Variants in CENPE observed in about 807,000 individuals in gnomAD.
CENPE encodes the protein centromere protein E, also known as centromere-associated protein E.
CENPE carries 145 observed loss-of-function variants against 336.1 expected under a neutral mutation model. That is an observed-to-expected ratio of 0.43 (90% CI 0.38 to 0.50). The LOEUF is 0.50. Among genes scored for constraint, CENPE ranks in the 20% least tolerant of loss-of-function variants. The probability of loss-of-function intolerance (pLI) is 0.00; values close to 1 mark genes in which losing one functional copy is unlikely to be tolerated. For missense variants in CENPE, 2,719 were observed against 3,023.3 expected (o/e 0.90, Z 2.36); for synonymous variants, 1,013 against 984.8 (o/e 1.03, Z -0.54).
Position 103,108,883 on chromosome 4 carries a change from A to G in CENPE, c.7931T>C (p.Phe2644Ser). The change falls in exon 48 of 49, where the codon TTT (phenylalanine) becomes TCT (serine). Residue 2644 changes from phenylalanine (F) to serine (S), a missense_variant. Physicochemically the swap from Phe to Ser is radical, Grantham distance 155 (BLOSUM62 -2). Around this residue, in one of 5 missense-constraint regions of CENPE, gnomAD observed 2,437 missense variants for 2,513.3 expected, o/e 0.97. Transcript: ENST00000265148. Reference protein sequence around the residue: ...PVPKESPKSCFFDSRSKSLPS... With the variant: ...PVPKESPKSCSFDSRSKSLPS... ...TAAAGACTTTGATCGGCTATCAAAAAAACAAGATTTTGGTGATTCCTTTGG... is the reference window on the plus strand; with the variant it reads ...TAAAGACTTTGATCGGCTATCAAAAGAACAAGATTTTGGTGATTCCTTTGG... The G allele has an allele frequency of 6.2e-7, 1 of 1,613,960 alleles. No homozygotes were observed. The highest frequency in any genetic ancestry group is 8.5e-7 in the Non-Finnish European group (1 of 1,179,860).
At position 103,190,642 on chromosome 4, in the gene CENPE, T is replaced by A. The variant is rs184518359; in HGVS notation, c.693+3587A>T. On this transcript the variant is annotated intron_variant, in intron 8 of 48. Transcript: ENST00000265148. ...CCTTACACCTTATACAAAAATTAAT[T>A]CAAGATGGATTAAAGACTTAAATGT... 1.6e-3 allele frequency among the ~76,000 whole-genome samples: 248 copies of A among 152,164 alleles called. 3 individuals carry two copies. The highest frequency in any genetic ancestry group is 5.6e-3 in the African/African-American group (232 of 41,520).
At chr4:103,134,668 T>G (rs1021695892) in intron 40 of CENPE, among the ~76,000 whole-genome samples, 3 of 151,544 alleles carry the variant, frequency 2.0e-5, no homozygotes, top group African/African-American at 7.3e-5. Context: ...AAGACTTCCT[T>G]GTCAAGCATA....
In CENPE at chr4:103,106,220, G is replaced by A. The variant is rs763324073; in HGVS notation, c.*2C>T. The A allele has an allele frequency of 6.4e-7, 1 of 1,551,678 alleles. No individual in the cohort carries two copies. Among genetic ancestry groups the A allele is most frequent in the Non-Finnish European group, 8.7e-7 (1 of 1,143,742 alleles). On this transcript the variant is annotated 3_prime_UTR_variant, in exon 49 of 49. Transcript: ENST00000265148. The stretch of plus-strand genomic sequence containing the variant: ...ATCTCCAGAGAAGTGACAAAGAGGA[G>A]TCTACTGAGTTTTGCACTCAGGCAC...
chr4:103,175,113 G>A (rs967085165), intron 15 of CENPE, among the ~76,000 whole-genome samples: 2 of 151,956 alleles, frequency 1.3e-5, no homozygotes, highest in East Asian at 1.9e-4. Context: ...GTTTGCCTGT[G>A]CCTGACAGGG....
At chr4:103,189,011 A>C (rs1347599857) in intron 8 of CENPE, among the ~76,000 whole-genome samples, 2 of 152,224 alleles carry the variant, frequency 1.3e-5, no homozygotes, top group Non-Finnish European at 2.9e-5. Context: ...AATACTATAA[A>C]CACCTCTATG....
Position 103,145,999 on chromosome 4 carries a change from C to G in CENPE, c.4243G>C (p.Ala1415Pro), listed in dbSNP as rs1283754589. The G allele has an allele frequency of 1.9e-6, 3 of 1,613,764 alleles. No homozygotes were observed. In the South Asian group the frequency reaches 3.3e-5, roughly 18 times the overall value. ...ATTTCTATTTCTATCCTTAGTAGTG[C>G]TGAATCTTTGGGTTTGAATTGCTCC... is the stretch of plus-strand genomic sequence containing the variant. ...EMEQFKPKDS[A>P]LLRIEIEMLG... is the part of the protein sequence containing the mutation. Residue 1415 changes from alanine to proline, a missense_variant, in exon 30 of 49, where the codon GCA becomes CCA. Physicochemically the swap from Ala to Pro is conservative, Grantham distance 27. Around this residue, in one of 5 missense-constraint regions of CENPE, gnomAD observed 2,437 missense variants for 2,513.3 expected, o/e 0.97. Coordinates refer to ENST00000265148, the MANE Select transcript of CENPE (RefSeq NM_001813.3).
At chr4:103,120,607 G>A (rs916299382) in intron 43 of CENPE, among the ~76,000 whole-genome samples, 9 of 152,080 alleles carry the variant, frequency 5.9e-5, no homozygotes, top group Non-Finnish European at 1.2e-4. Context: ...GTGGTTATGC[G>A]ATTTATTAGT....
At position 103,122,953 on chromosome 4, in the gene CENPE, G is replaced by A. The variant is rs1454331028; in HGVS notation, c.7061C>T (p.Ala2354Val). ...GGTAGGATTAACCTGGGCACCAGAT[G>A]CCAAGGAAGTCTTCAATGTTTGGTA... ...KNYQTLKTSL[A>V]SGAQVNPTTQ... The change falls in exon 43 of 49, where the codon GCA becomes GTA. Residue 2354 changes from alanine to valine, a missense_variant. Ala to Val is a moderately conservative substitution (Grantham distance 64). This residue lies in a region of CENPE where 2,437 missense variants were observed against 2,513.3 expected (regional missense o/e 0.97). Transcript: ENST00000265148. The A allele has an allele frequency of 6.2e-7, 1 of 1,613,920 alleles. No homozygotes were observed. Among genetic ancestry groups the A allele is most frequent in the Admixed American group, 1.7e-5 (1 of 60,030 alleles).
chr4:103,166,054 T>C (rs1754889763), intron 16 of CENPE, among the ~76,000 whole-genome samples: 1 of 152,264 alleles, frequency 6.6e-6, no homozygotes, highest in South Asian at 2.1e-4. Context: ...CTTCAATTTT[T>C]CTTATTAATA....
At chr4:103,157,543 G>A (rs1754062787) in intron 24 of CENPE, among the ~76,000 whole-genome samples, 1 of 151,932 alleles carries the variant, frequency 6.6e-6, no homozygotes, top group South Asian at 2.1e-4. Flanking sequence ...AATTCATAAA[G>A]ACAGAAAAAT....
intron 44 of CENPE, among the ~76,000 whole-genome samples, chr4:103,117,784 T>A (rs1161374838): frequency 6.6e-6 from 1 of 152,026 alleles, no homozygotes; most frequent in Non-Finnish European, 1.5e-5. Flanking sequence ...CTTACCACCA[T>A]GCCTGGCTAC....
chr4:103,182,526 T>A lies in CENPE; in HGVS notation c.963+236A>T, dbSNP rs558601311. ...ATTAAGTACAAAAAGTGAGTTATTT[T>A]AAAAATATCAAGTCAATTTCAGTAA... On this transcript the variant is annotated intron_variant, in intron 11 of 48. Transcript: ENST00000265148. Among the ~76,000 whole-genome samples, 4 of 152,320 alleles carry A rather than the reference T, an allele frequency of 2.6e-5. No homozygotes were observed. In the South Asian group the frequency reaches 6.2e-4, roughly 24 times the overall value.
At position 103,158,708 on chromosome 4, in the gene CENPE, A is replaced by C. The variant is rs768975569; in HGVS notation, c.2780T>G (p.Leu927Ter). 6.2e-7 allele frequency: 1 copy of C among 1,612,856 alleles called. No individual in the cohort carries two copies. The highest frequency in any genetic ancestry group is 8.5e-7 in the Non-Finnish European group (1 of 1,179,352). Residue 927 changes from leucine to a stop codon, truncating the protein, a stop_gained, in exon 23 of 49, where the codon TTA (leucine) becomes TGA (stop). Coordinates refer to ENST00000265148, the MANE Select transcript of CENPE (RefSeq NM_001813.3). LOFTEE classifies it high-confidence loss of function. ...TTTTAGATCATCTTTTTCTTGAGTT[A>C]AAGTTTTTACTTCTTCTAAAGTTTG... is the stretch of plus-strand genomic sequence containing the variant. ...LQQTLEEVKTLTQEKDDLKQL... is the reference protein window; with the variant it reads ...LQQTLEEVKT
At position 103,109,040 on chromosome 4, in the gene CENPE, G is replaced by T. The variant is rs747403961; in HGVS notation, c.7774C>A (p.Leu2592Ile). 1 of 1,613,400 alleles carries T rather than the reference G, an allele frequency of 6.2e-7. No individual in the cohort carries two copies. Among genetic ancestry groups the T allele is most frequent in the East Asian group, 2.2e-5 (1 of 44,834 alleles). ...ACTTGTTTGTGAGCCTCTCTTTTAA[G>T]GGTTCTTTCCTTCCAAGTTTTGACC... Reference protein sequence around the residue: ...NEVKTWKERTLKREAHKQVTC... With the variant: ...NEVKTWKERTIKREAHKQVTC... Residue 2592 changes from leucine to isoleucine, a missense_variant, in exon 48 of 49, where the codon CTT (leucine) becomes ATT (isoleucine). This residue lies in a region of CENPE where 2,437 missense variants were observed against 2,513.3 expected (regional missense o/e 0.97). Coordinates refer to ENST00000265148, the MANE Select transcript of CENPE (RefSeq NM_001813.3).
rs200926703 is a variant in CENPE at position 103,144,347 on chromosome 4, C to G, written c.5129G>C (p.Arg1710Thr). Residue 1710 changes from arginine to threonine, a missense_variant, in exon 33 of 49, where the codon AGA becomes ACA. Arg to Thr is a moderately conservative substitution (Grantham distance 71). This residue lies in a region of CENPE where 2,437 missense variants were observed against 2,513.3 expected (regional missense o/e 0.97). Transcript: ENST00000265148. ...VERDQLKENL[R>T]ETITRDLEKQ... Reference sequence around the variant, plus strand: ...GTAACTCACTCTAGTTATAGTTTCTCTAAGGTTTTCCTTGAGCTGGTCTCT... The same window carrying G: ...GTAACTCACTCTAGTTATAGTTTCTGTAAGGTTTTCCTTGAGCTGGTCTCT... 1.6e-5 allele frequency: 26 copies of G among 1,606,644 alleles called. No homozygotes were observed. Among genetic ancestry groups the G allele is most frequent in the Non-Finnish European group, 2.0e-5 (23 of 1,177,830 alleles).
chr4:103,184,416 C>G (rs17217347), intron 9 of CENPE, among the ~76,000 whole-genome samples: 3 of 152,152 alleles, frequency 2.0e-5, no homozygotes, highest in Non-Finnish European at 4.4e-5. Flanking sequence ...GCTTTTAAGG[C>G]ATCTGGACTT....
intron 16 of CENPE, among the ~76,000 whole-genome samples, chr4:103,165,549 A>G (rs1754831437): frequency 6.6e-6 from 1 of 152,202 alleles, no homozygotes; most frequent in African/African-American, 2.4e-5. Context: ...TTTCCCCAAA[A>G]TGTAGGTTTT....
chr4:103,115,731 C>CTTTT (rs749115745), intron 45 of CENPE, among the ~76,000 whole-genome samples: 1 of 138,050 alleles, frequency 7.2e-6, no homozygotes, highest in Non-Finnish European at 1.6e-5. Context: ...GAACATATTT[C>CTTTT]TTTTTTTTTT....
chr4:103,142,949 C>T (rs149928740), intron 34 of CENPE, among the ~76,000 whole-genome samples: 2 of 134,228 alleles, frequency 1.5e-5, no homozygotes, highest in African/African-American at 5.7e-5. Flanking sequence ...GCAGACATTG[C>T]AGTGAGCCGA....
Sources: gnomAD v4.1 joint callset for allele counts (sites outside exome capture counted in the v4.1 genomes callset) on GRCh38, gnomAD v4.1.1 for gene constraint, gnomAD v4.1.1 regional missense constraint, MANE v1.5 for transcripts, NCBI Gene and HGNC (gene_info 2026-07-23, HGNC 2026-07-21) for gene names.